The following IPCEF1 variants were observed in gnomAD, a reference collection of about 807,000 sequenced individuals.
IPCEF1 encodes the protein interaction protein for cytohesin exchange factors 1, also known as interactor protein for cytohesin exchange factors 1.
IPCEF1 carries 31 observed loss-of-function variants against 50.9 expected under a neutral mutation model. The ratio of observed to expected loss-of-function variants is 0.61; its 90% CI spans 0.46 to 0.82. The LOEUF is 0.82. Ranked by LOEUF, IPCEF1 falls within the 40% of genes least tolerant of loss-of-function variation. The pLI, the probability that IPCEF1 is intolerant of heterozygous loss-of-function variation, is 0.00. For synonymous variants in IPCEF1, 181 were observed against 192.0 expected (o/e 0.94, Z 0.47); for missense variants, 458 against 514.0 (o/e 0.89, Z 1.05).
intron 5 of IPCEF1, among the ~76,000 whole-genome samples, chr6:154,225,014 G>C (rs1162414133): frequency 1.3e-5 from 2 of 152,028 alleles, no homozygotes; most frequent in African/African-American, 4.8e-5. Flanking sequence ...ACTATGTTAG[G>C]TCTCATCAAT....
chr6:154,221,516 A>AT (rs1778855842), intron 6 of IPCEF1, among the ~76,000 whole-genome samples, 188 bp from the exon 7 acceptor site: 1 of 152,216 alleles, frequency 6.6e-6, no homozygotes, highest in African/African-American at 2.4e-5. Context: ...CTAAGAGTCA[A>AT]TTTTTTATGT....
intron 3 of IPCEF1, among the ~76,000 whole-genome samples, chr6:154,261,533 AC>A (rs1781601589): frequency 6.6e-6 from 1 of 152,176 alleles, no homozygotes; most frequent in Non-Finnish European, 1.5e-5. Flanking sequence ...AAGAGACTGA[AC>A]CGATAGAACT....
At chr6:154,207,632 G>A (rs1037600794) in intron 9 of IPCEF1, among the ~76,000 whole-genome samples, 6 of 151,978 alleles carry the variant, frequency 3.9e-5, no homozygotes, top group East Asian at 1.9e-4. Flanking sequence ...TGAACTCTGG[G>A]GCTCAAGCCA....
rs578205290 is a variant in IPCEF1, at chr6:154,234,954, C to T, written c.246+11637G>A. 5.9e-5 allele frequency among the ~76,000 whole-genome samples: 9 copies of T among 152,314 alleles called. No homozygotes were observed. The South Asian group carries it at 8.3e-4, about 14-fold the overall frequency. On this transcript the variant is annotated intron_variant, in intron 5 of 11. Coordinates refer to ENST00000367220, the MANE Select transcript of IPCEF1 (RefSeq NM_001130700.2). ...CAGTCTCATCTCTGCCCTATTCTTT[C>T]GGAAGCTTTAAAACCCCAAATGTGC...
Position 154,159,549 on chromosome 6 carries a change from C to A in IPCEF1, c.*279G>T. On this transcript the variant is annotated 3_prime_UTR_variant, in exon 12 of 12. Coordinates refer to ENST00000367220, the MANE Select transcript of IPCEF1 (RefSeq NM_001130700.2). The stretch of plus-strand genomic sequence containing the variant: ...GAACAGAAGAGACATTTCTCACATC[C>A]CCCCTAGAGCCCCACATCACCGTGA... 2.3e-6 allele frequency: 1 copy of A among 425,764 alleles called. No individual in the cohort carries two copies. Among genetic ancestry groups the A allele is most frequent in the South Asian group, 3.0e-5 (1 of 32,794 alleles). The allele number at this position is 425,764 out of a possible 1,614,324, so 26.4% of individuals were successfully genotyped here.
chr6:154,163,520 C>A (rs1320460843), intron 11 of IPCEF1, among the ~76,000 whole-genome samples: 3 of 152,070 alleles, frequency 2.0e-5, no homozygotes, highest in Non-Finnish European at 2.9e-5. Context: ...ATTTAATAGT[C>A]AATTATGTTT....
chr6:154,264,742 A>C (rs1054193649), intron 3 of IPCEF1, among the ~76,000 whole-genome samples: 19 of 152,130 alleles, frequency 1.2e-4, no homozygotes, highest in African/African-American at 4.6e-4. Flanking sequence ...AATTAGAATG[A>C]GCACCGGAAT....
chr6:154,194,280 T>G (rs1351744274), intron 10 of IPCEF1, among the ~76,000 whole-genome samples: 1 of 152,152 alleles, frequency 6.6e-6, no homozygotes, highest in East Asian at 1.9e-4. Flanking sequence ...ATGCCTGTAA[T>G]CCCAGCTACT....
chr6:154,163,497 T>A (rs1189769920), intron 11 of IPCEF1, among the ~76,000 whole-genome samples: 1 of 152,190 alleles, frequency 6.6e-6, no homozygotes, highest in Admixed American at 6.5e-5. Context: ...TATCATCACT[T>A]ATCATATTAT....
chr6:154,227,563 T>A (rs1200168598), intron 5 of IPCEF1, among the ~76,000 whole-genome samples: 2 of 151,950 alleles, frequency 1.3e-5, no homozygotes, highest in Admixed American at 1.3e-4. Context: ...TGCAAAAGTA[T>A]AAAAATTAGC....
intron 10 of IPCEF1, among the ~76,000 whole-genome samples, chr6:154,183,353 C>A (rs1428550088): frequency 1.3e-5 from 2 of 152,204 alleles, no homozygotes; most frequent in Non-Finnish European, 2.9e-5. Flanking sequence ...TATGTACTTG[C>A]ATAACATGAC....
At chr6:154,232,504 G>GC (rs1779802302) in intron 5 of IPCEF1, among the ~76,000 whole-genome samples, 1 of 152,080 alleles carries the variant, frequency 6.6e-6, no homozygotes, top group African/African-American at 2.4e-5. Flanking sequence ...TTATACCATG[G>GC]GAACCATCAT....
chr6:154,284,272 A>T (rs1212637051), intron 2 of IPCEF1, among the ~76,000 whole-genome samples: 1 of 152,266 alleles, frequency 6.6e-6, no homozygotes, highest in African/African-American at 2.4e-5. Flanking sequence ...AAATAACTCA[A>T]TTACCTGGTA....
intron 2 of IPCEF1, among the ~76,000 whole-genome samples, chr6:154,268,312 G>T (rs1224490267): frequency 6.6e-6 from 1 of 152,238 alleles, no homozygotes; most frequent in African/African-American, 2.4e-5. Context: ...GCTCTTTGGA[G>T]TGGGAGGTGT....
intron 5 of IPCEF1, among the ~76,000 whole-genome samples, chr6:154,240,805 A>C (rs1259342563): frequency 6.6e-6 from 1 of 152,258 alleles, no homozygotes; most frequent in Non-Finnish European, 1.5e-5. Context: ...AAACTTTCAC[A>C]ATTCAGAAAG....
At chr6:154,163,251 C>T (rs1390981903) in intron 11 of IPCEF1, among the ~76,000 whole-genome samples, 2 of 152,220 alleles carry the variant, frequency 1.3e-5, no homozygotes, top group African/African-American at 4.8e-5. Flanking sequence ...TACATTACAG[C>T]TACCTTGACC....
At chr6:154,200,069 G>A in intron 9 of IPCEF1, 29 bp from the exon 10 acceptor site, 1 of 1,556,024 alleles carries the variant, frequency 6.4e-7, no homozygotes, top group East Asian at 2.3e-5. Flanking sequence ...ACCAAAAAAA[G>A]AATAAAAGAC....
At chr6:154,304,482 T>C (rs1040033392) in intron 1 of IPCEF1, among the ~76,000 whole-genome samples, 1 of 143,372 alleles carries the variant, frequency 7.0e-6, no homozygotes, top group African/African-American at 2.4e-5. Context: ...TTCATCTGTG[T>C]TCCCAACTCA....
intron 2 of IPCEF1, among the ~76,000 whole-genome samples, chr6:154,270,355 C>T (rs1439763987): frequency 3.3e-5 from 5 of 152,080 alleles, no homozygotes; most frequent in Admixed American, 2.6e-4. Flanking sequence ...TATTTACTTA[C>T]GTGAAAAATA....
Sources: allele counts gnomAD v4.1 joint callset (sites outside exome capture counted in the v4.1 genomes callset), GRCh38; gene constraint gnomAD v4.1.1; transcripts MANE v1.5; gene names NCBI Gene and HGNC (gene_info 2026-07-23, HGNC 2026-07-21).